CCSER1: variants seen among roughly 807,000 people sequenced by gnomAD.
CCSER1 encodes serine-rich coiled-coil domain-containing protein 1.
A neutral mutation model predicts 82.0 loss-of-function variants in CCSER1; 41 were observed. The observed-to-expected ratio is 0.50, with a 90% CI of 0.39 to 0.65. CCSER1 has a LOEUF of 0.65. Ranked by LOEUF, CCSER1 falls within the 30% of genes least tolerant of loss-of-function variation. CCSER1 has a pLI of 0.00. For missense variants in CCSER1, 1,119 were observed against 1,064.2 expected, an observed-to-expected ratio of 1.05 and a Z score of -0.72; for synonymous variants, 414 against 383.9, an observed-to-expected ratio of 1.08 and a Z score of -0.92.
chr4:90,950,698 G>A (rs1239755025), intron 9 of CCSER1, among the ~76,000 whole-genome samples: 1 of 151,992 alleles, frequency 6.6e-6, no homozygotes, highest in African/African-American at 2.4e-5. Flanking sequence ...AAAACAGCAG[G>A]GTTTCAGCCT....
At chr4:90,806,454 C>A (rs1757523767) in intron 7 of CCSER1, among the ~76,000 whole-genome samples, 1 of 152,040 alleles carries the variant, frequency 6.6e-6, no homozygotes. Flanking sequence ...ATTTAATTAA[C>A]AAAATGTTAA....
chr4:91,097,975 A>G (rs1235520018), intron 10 of CCSER1, among the ~76,000 whole-genome samples: 2 of 152,204 alleles, frequency 1.3e-5, no homozygotes, highest in African/African-American at 4.8e-5. Flanking sequence ...TGAAAACCAT[A>G]AATAGGAAAT....
chr4:90,159,407 C>G (rs535252703), intron 1 of CCSER1, among the ~76,000 whole-genome samples: 109 of 152,122 alleles, frequency 7.2e-4, no homozygotes, highest in African/African-American at 2.6e-3. Context: ...TTCAGTACCT[C>G]GATGAATGGT....
At chr4:91,194,096 A>G (rs577611686) in intron 10 of CCSER1, among the ~76,000 whole-genome samples, 2 of 152,194 alleles carry the variant, frequency 1.3e-5, no homozygotes, top group Admixed American at 1.3e-4. Context: ...CAGCCTCCCA[A>G]GTAGCTGGGA....
chr4:90,484,804 G>T (rs1766725656), intron 5 of CCSER1, among the ~76,000 whole-genome samples: 1 of 152,236 alleles, frequency 6.6e-6, no homozygotes, highest in Non-Finnish European at 1.5e-5. Flanking sequence ...GTTCCTCCCA[G>T]TTAGGCTACT....
intron 10 of CCSER1, among the ~76,000 whole-genome samples, chr4:91,511,438 C>A (rs1759817971): frequency 6.6e-6 from 1 of 152,208 alleles, no homozygotes; most frequent in East Asian, 1.9e-4. Flanking sequence ...AATGACAATG[C>A]TTCCAGGCCA....
intron 4 of CCSER1, among the ~76,000 whole-genome samples, chr4:90,401,789 A>G (rs150478615): frequency 8.8e-4 from 134 of 152,312 alleles, no homozygotes; most frequent in African/African-American, 2.7e-3. Flanking sequence ...TCCGTCTCCC[A>G]AAGTGCAGGG....
At chr4:91,432,725 TG>T (rs1754402545) in intron 10 of CCSER1, among the ~76,000 whole-genome samples, 1 of 152,202 alleles carries the variant, frequency 6.6e-6, no homozygotes, top group Non-Finnish European at 1.5e-5. Flanking sequence ...ATTTTTGTAT[TG>T]TGTTACTGAT....
intron 10 of CCSER1, among the ~76,000 whole-genome samples, chr4:91,399,362 T>G (rs1752183075): frequency 6.6e-6 from 1 of 151,970 alleles, no homozygotes; most frequent in Non-Finnish European, 1.5e-5. Flanking sequence ...TTATCTGTTT[T>G]ATGTGCCAAG....
chr4:90,963,111 T>G (rs759652541), intron 9 of CCSER1, among the ~76,000 whole-genome samples: 24 of 152,186 alleles, frequency 1.6e-4, no homozygotes, highest in Non-Finnish European at 3.2e-4. Flanking sequence ...TTAACAAAAT[T>G]TGTTATTGGA....
intron 10 of CCSER1, among the ~76,000 whole-genome samples, chr4:91,485,932 GATGAA>G (rs1000624281): frequency 6.6e-6 from 1 of 152,020 alleles, no homozygotes; most frequent in African/African-American, 2.4e-5. Context: ...TATTTTAAAT[GATGAA>G]ATGAAGGTCC....
At chr4:91,143,560 G>C (rs1729249991) in intron 10 of CCSER1, among the ~76,000 whole-genome samples, 1 of 151,830 alleles carries the variant, frequency 6.6e-6, no homozygotes, top group Admixed American at 6.6e-5. Context: ...TTATCCCAGG[G>C]GGAATGCCTC....
chr4:91,094,528 T>C (rs1724299203), intron 10 of CCSER1, among the ~76,000 whole-genome samples: 1 of 151,968 alleles, frequency 6.6e-6, no homozygotes, highest in Non-Finnish European at 1.5e-5. Flanking sequence ...TGGGGACAGG[T>C]AGGAGGGGGG....
At chr4:91,037,949 T>C (rs1651692222) in intron 9 of CCSER1, among the ~76,000 whole-genome samples, 1 of 152,152 alleles carries the variant, frequency 6.6e-6, no homozygotes, top group Non-Finnish European at 1.5e-5. Flanking sequence ...TTTCTTAAAC[T>C]ATTCTGTATA....
At chr4:91,152,652 G>A (rs1002081627) in intron 10 of CCSER1, among the ~76,000 whole-genome samples, 1 of 152,118 alleles carries the variant, frequency 6.6e-6, no homozygotes, top group Non-Finnish European at 1.5e-5. Context: ...TGCAGTGGCT[G>A]GTACCAGTTG....
chr4:91,117,117 A>T (rs1473807240), intron 10 of CCSER1, among the ~76,000 whole-genome samples: 1 of 152,222 alleles, frequency 6.6e-6, no homozygotes, highest in African/African-American at 2.4e-5. Context: ...AACAGAAACA[A>T]TCAGCCTTTA....
At chr4:90,837,456 G>T (rs561655782) in intron 8 of CCSER1, among the ~76,000 whole-genome samples, 4 of 152,194 alleles carry the variant, frequency 2.6e-5, no homozygotes, top group Admixed American at 2.6e-4. Context: ...GCAGCCCTCT[G>T]CAAATTCTTT....
At chr4:90,913,405 G>C (rs1207895256) in intron 8 of CCSER1, among the ~76,000 whole-genome samples, 13 of 152,066 alleles carry the variant, frequency 8.5e-5, no homozygotes, top group Admixed American at 8.5e-4. Context: ...TTCATAAGTG[G>C]AGGAGAAATA....
At chr4:91,296,374 C>G (rs971438986) in intron 10 of CCSER1, among the ~76,000 whole-genome samples, 6 of 148,934 alleles carry the variant, frequency 4.0e-5, no homozygotes, top group African/African-American at 1.2e-4. Context: ...TAATTTTTCC[C>G]TCCTAGAGAC....
Sources: allele counts gnomAD v4.1 joint callset (sites outside exome capture counted in the v4.1 genomes callset), GRCh38; gene constraint gnomAD v4.1.1; transcripts MANE v1.5; gene names NCBI Gene and HGNC (gene_info 2026-07-23, HGNC 2026-07-21).